Variants in ETV6 observed in about 807,000 individuals in gnomAD.
The protein encoded by ETV6 is ETS variant transcription factor 6.
ETV6 carries 16 observed loss-of-function variants against 51.1 expected under a neutral mutation model. The ratio of observed to expected loss-of-function variants is 0.31; its 90% CI spans 0.21 to 0.48. The LOEUF (loss-of-function observed/expected upper bound fraction) is 0.48, where lower values mean the gene tolerates loss of function less well. ETV6 is among the 20% of genes least tolerant of loss of function. The probability of loss-of-function intolerance (pLI) is 0.99; values close to 1 mark genes in which losing one functional copy is unlikely to be tolerated. For synonymous variants in ETV6, 240 were observed against 224.1 expected (o/e 1.07, Z -0.64); for missense variants, 458 against 594.8 (o/e 0.77, Z 2.39).
At chr12:11,703,158 G>T (rs1166968577) in intron 1 of ETV6, among the ~76,000 whole-genome samples, 1 of 152,084 alleles carries the variant, frequency 6.6e-6, no homozygotes. Flanking sequence ...ATACAAATAT[G>T]GAAAGTGAAA....
chr12:11,664,827 C>A (rs1864166597), intron 1 of ETV6, among the ~76,000 whole-genome samples: 1 of 152,140 alleles, frequency 6.6e-6, no homozygotes, highest in Non-Finnish European at 1.5e-5. Flanking sequence ...CTCTGATCTT[C>A]CTTCCTCCAT....
At chr12:11,872,977 A>G (rs1946906717) in intron 5 of ETV6, among the ~76,000 whole-genome samples, 1 of 152,188 alleles carries the variant, frequency 6.6e-6, no homozygotes, top group Non-Finnish European at 1.5e-5. Context: ...TGATGGCTCT[A>G]GGAAGTCAAG....
chr12:11,649,996 C>A lies in ETV6; in HGVS notation c.-132C>A. On this transcript the variant is annotated 5_prime_UTR_variant, in exon 1 of 8. In the 5' UTR this introduces an upstream ATG that the reference lacks. Transcript: ENST00000396373. ...CGCGCGCTCCAGACCCCCGGGGCGG[C>A]TGCCGGGAGAGATGCTGGAAGAAAC... 1.2e-6 allele frequency: 1 copy of A among 857,638 alleles called. No individual in the cohort carries two copies. Among genetic ancestry groups the A allele is most frequent in the Non-Finnish European group, 1.9e-6 (1 of 521,168 alleles). 53.1% of individuals were successfully genotyped at this position (857,638 alleles called of 1,614,324 possible).
intron 1 of ETV6, among the ~76,000 whole-genome samples, chr12:11,705,958 C>T (rs945533162): frequency 1.3e-5 from 2 of 152,172 alleles, no homozygotes; most frequent in Non-Finnish European, 2.9e-5. Context: ...TTTTGAGAGA[C>T]TTATTGTAGC....
At chr12:11,826,518 C>G (rs1054864936) in intron 2 of ETV6, 2 of 152,328 alleles carry the variant, frequency 1.3e-5, no homozygotes, top group Non-Finnish European at 2.9e-5. Flanking sequence ...CCCCTGCCAC[C>G]TACTTGGGAG....
chr12:11,772,469 C>A (rs1225144616), intron 2 of ETV6, among the ~76,000 whole-genome samples: 1 of 152,152 alleles, frequency 6.6e-6, no homozygotes, highest in Non-Finnish European at 1.5e-5. Context: ...AAATGAGATT[C>A]TTTGTTTGAT....
At chr12:11,889,198 G>A (rs1034158069) in intron 7 of ETV6, among the ~76,000 whole-genome samples, 1 of 152,136 alleles carries the variant, frequency 6.6e-6, no homozygotes, top group Non-Finnish European at 1.5e-5. Context: ...AGAAATTTTA[G>A]TTAGGGGATA....
At chr12:11,849,988 TG>T (rs574000472) in intron 3 of ETV6, among the ~76,000 whole-genome samples, 383 of 152,342 alleles carry the variant, frequency 2.5e-3, no homozygotes, top group Admixed American at 4.4e-3. Flanking sequence ...TGAGGAAACA[TG>T]TCTGTGCATG....
intron 1 of ETV6, 112 bp downstream of exon 1, chr12:11,650,272 A>C: frequency 1.0e-6 from 1 of 964,240 alleles, no homozygotes; most frequent in Non-Finnish European, 1.7e-6. Context: ...GTTCGCAGGA[A>C]ATTATTTGGG....
intron 1 of ETV6, among the ~76,000 whole-genome samples, chr12:11,738,113 G>A (rs1477959630): frequency 1.3e-5 from 2 of 151,974 alleles, no homozygotes; most frequent in Non-Finnish European, 2.9e-5. Context: ...GTTTTAAGAA[G>A]GATTCCTTCC....
At chr12:11,719,904 G>A (rs1397029906) in intron 1 of ETV6, among the ~76,000 whole-genome samples, 1 of 152,194 alleles carries the variant, frequency 6.6e-6, no homozygotes, top group Non-Finnish European at 1.5e-5. Context: ...AAGGGCACAG[G>A]CTTCTGCTGT....
At chr12:11,855,139 CA>C (rs34202702) in intron 4 of ETV6, among the ~76,000 whole-genome samples, 54,452 of 137,958 alleles carry the variant, frequency 0.39, 12,083 homozygotes, top group South Asian at 0.58. Context: ...ACTAAAAATA[CA>C]AAAAAAAAAA....
At chr12:11,680,343 C>T (rs1000477326) in intron 1 of ETV6, among the ~76,000 whole-genome samples, 1 of 152,184 alleles carries the variant, frequency 6.6e-6, no homozygotes, top group Non-Finnish European at 1.5e-5. Context: ...TTAGTATTTT[C>T]ATTGTTCACA....
intron 1 of ETV6, among the ~76,000 whole-genome samples, chr12:11,728,280 T>G (rs1480399501): frequency 1.3e-5 from 2 of 152,190 alleles, no homozygotes; most frequent in African/African-American, 4.8e-5. Flanking sequence ...ATACCTCCTG[T>G]AAGAACAGTT....
At chr12:11,870,306 C>G (rs1270779555) in intron 5 of ETV6, among the ~76,000 whole-genome samples, 1 of 152,020 alleles carries the variant, frequency 6.6e-6, no homozygotes, top group African/African-American at 2.4e-5. Flanking sequence ...CTGAAGTTTC[C>G]AGCAGCTAAT....
At chr12:11,668,497 A>G (rs1565479464) in intron 1 of ETV6, among the ~76,000 whole-genome samples, 1 of 152,102 alleles carries the variant, frequency 6.6e-6, no homozygotes, top group Non-Finnish European at 1.5e-5. Context: ...ATGTGAGATT[A>G]GGGCTGTAGA....
At chr12:11,802,856 T>G (rs1352313097) in intron 2 of ETV6, among the ~76,000 whole-genome samples, 1 of 152,218 alleles carries the variant, frequency 6.6e-6, no homozygotes, top group Non-Finnish European at 1.5e-5. Context: ...AGTTTGAAAG[T>G]TTGGTCTCCT....
chr12:11,792,895 T>A (rs1341409732), intron 2 of ETV6, among the ~76,000 whole-genome samples: 1 of 152,172 alleles, frequency 6.6e-6, no homozygotes, highest in Non-Finnish European at 1.5e-5. Flanking sequence ...CAACTTACTT[T>A]ATTAATAGCA....
chr12:11,777,194 A>G (rs1428809366), intron 2 of ETV6, among the ~76,000 whole-genome samples: 1 of 142,334 alleles, frequency 7.0e-6, no homozygotes, highest in Non-Finnish European at 1.5e-5. Context: ...GAGCCGAGAT[A>G]GCGCCACTGC....
Sources: gnomAD v4.1 joint callset for allele counts (sites outside exome capture counted in the v4.1 genomes callset) on GRCh38, gnomAD v4.1.1 for gene constraint, MANE v1.5 for transcripts, NCBI Gene and HGNC (gene_info 2026-07-23, HGNC 2026-07-21) for gene names.